Variants in GRM8 observed in about 807,000 individuals in gnomAD.
GRM8 encodes metabotropic glutamate receptor 8.
A neutral mutation model predicts 87.2 loss-of-function variants in GRM8; 47 were observed. That is an observed-to-expected ratio of 0.54 (90% CI 0.43 to 0.69). The LOEUF (loss-of-function observed/expected upper bound fraction) is 0.69, where lower values mean the gene tolerates loss of function less well. Among genes scored for constraint, GRM8 ranks in the 30% least tolerant of loss-of-function variants. The pLI is 0.00. For synonymous variants in GRM8, 396 were observed against 404.5 expected, an observed-to-expected ratio of 0.98 and a Z score of 0.25; for missense variants, 1,019 against 1,139.2, an observed-to-expected ratio of 0.89 and a Z score of 1.52.
intron 3 of GRM8, among the ~76,000 whole-genome samples, chr7:127,007,546 G>T (rs147043190): frequency 1.3e-5 from 2 of 151,930 alleles, no homozygotes; most frequent in Non-Finnish European, 2.9e-5. Context: ...ATCACTAGTG[G>T]ATTGTTTCAG....
chr7:126,461,235 T>G (rs1355081258), intron 9 of GRM8, among the ~76,000 whole-genome samples: 1 of 151,524 alleles, frequency 6.6e-6, no homozygotes, highest in African/African-American at 2.4e-5. Context: ...GCTCCCAAAG[T>G]GATGCAGCTC....
At chr7:126,825,514 T>A (rs964956749) in intron 6 of GRM8, among the ~76,000 whole-genome samples, 4 of 152,224 alleles carry the variant, frequency 2.6e-5, no homozygotes, top group Non-Finnish European at 4.4e-5. Flanking sequence ...AGCGGCAGAT[T>A]ACCAAGATTT....
At chr7:127,011,947 C>G (rs1814938098) in intron 3 of GRM8, among the ~76,000 whole-genome samples, 1 of 152,138 alleles carries the variant, frequency 6.6e-6, no homozygotes, top group South Asian at 2.1e-4. Context: ...ATACTAATAT[C>G]AGCCACCTGT....
At chr7:126,627,844 G>A (rs371756265) in intron 7 of GRM8, among the ~76,000 whole-genome samples, 86 of 152,208 alleles carry the variant, frequency 5.7e-4, no homozygotes, top group African/African-American at 2.0e-3. Context: ...TGGAAACATG[G>A]AGTGAACACA....
intron 3 of GRM8, among the ~76,000 whole-genome samples, chr7:126,973,820 T>C (rs542684815): frequency 6.6e-6 from 1 of 152,342 alleles, no homozygotes; most frequent in Non-Finnish European, 1.5e-5. Context: ...AAATACTGCA[T>C]AATCTCTCTT....
chr7:126,471,445 G>A (rs1189931412), intron 9 of GRM8, among the ~76,000 whole-genome samples: 3 of 151,842 alleles, frequency 2.0e-5, no homozygotes, highest in Non-Finnish European at 2.9e-5. Flanking sequence ...TATTAAATAG[G>A]GAATCCTTTC....
intron 8 of GRM8, among the ~76,000 whole-genome samples, chr7:126,552,742 T>C (rs1375179765): frequency 1.3e-5 from 2 of 152,136 alleles, no homozygotes; most frequent in African/African-American, 4.8e-5. Context: ...TATCTTTAAA[T>C]AGGAAAATCT....
intron 9 of GRM8, among the ~76,000 whole-genome samples, chr7:126,492,692 G>T (rs1808163321): frequency 6.6e-6 from 1 of 151,916 alleles, no homozygotes; most frequent in Middle Eastern, 3.2e-3. Context: ...TTTGAACTTA[G>T]GTATTTTTAT....
At chr7:126,873,086 C>T (rs1386537712) in intron 6 of GRM8, among the ~76,000 whole-genome samples, 3 of 152,090 alleles carry the variant, frequency 2.0e-5, no homozygotes, top group African/African-American at 7.2e-5. Flanking sequence ...CACACACATA[C>T]AGTTTTAAAG....
At chr7:127,207,448 A>G (rs190940316) in intron 2 of GRM8, among the ~76,000 whole-genome samples, 1 of 152,228 alleles carries the variant, frequency 6.6e-6, no homozygotes, top group East Asian at 1.9e-4. Context: ...CAATGAGCCA[A>G]GTACCAATGT....
intron 3 of GRM8, among the ~76,000 whole-genome samples, chr7:126,909,999 G>A (rs1803122783): frequency 7.0e-6 from 1 of 142,474 alleles, no homozygotes; most frequent in Non-Finnish European, 1.5e-5. Context: ...CAAATTTAAA[G>A]ACTCTTTTTT....
At chr7:127,180,523 A>G (rs1794375536) in intron 2 of GRM8, among the ~76,000 whole-genome samples, 1 of 152,040 alleles carries the variant, frequency 6.6e-6, no homozygotes, top group African/African-American at 2.4e-5. Context: ...CCTAATACCA[A>G]AATCAGAAAA....
At chr7:127,242,090 A>C (rs2116876309) in intron 2 of GRM8, among the ~76,000 whole-genome samples, 1 of 152,356 alleles carries the variant, frequency 6.6e-6, no homozygotes, top group Non-Finnish European at 1.5e-5. Context: ...TAATGCAATA[A>C]GAATTATATA....
chr7:126,754,467 C>T (rs539910271), intron 7 of GRM8, among the ~76,000 whole-genome samples: 16 of 151,916 alleles, frequency 1.1e-4, no homozygotes, highest in African/African-American at 2.6e-4. Context: ...GAAACATTTT[C>T]GGTAAATGCC....
At chr7:126,584,287 G>A (rs1795889321) in intron 8 of GRM8, among the ~76,000 whole-genome samples, 1 of 143,910 alleles carries the variant, frequency 6.9e-6, no homozygotes, top group African/African-American at 2.5e-5. Context: ...GTGCAGTGGT[G>A]CAATCTGGGC....
intron 3 of GRM8, among the ~76,000 whole-genome samples, chr7:127,010,101 C>G (rs1291459161): frequency 2.0e-5 from 3 of 152,116 alleles, no homozygotes; most frequent in Non-Finnish European, 4.4e-5. Context: ...CCTCAGCCTC[C>G]CAAAGTGCTG....
At chr7:126,960,129 G>A (rs952883624) in intron 3 of GRM8, among the ~76,000 whole-genome samples, 3 of 151,958 alleles carry the variant, frequency 2.0e-5, no homozygotes, top group Non-Finnish European at 4.4e-5. Flanking sequence ...AAAAGAAAAC[G>A]ACACTAATCA....
At chr7:126,968,425 G>C (rs1208709422) in intron 3 of GRM8, among the ~76,000 whole-genome samples, 2 of 152,076 alleles carry the variant, frequency 1.3e-5, no homozygotes, top group East Asian at 1.9e-4. Flanking sequence ...GTAAGGCCAA[G>C]CAACAGCCAA....
intron 7 of GRM8, 46 bp from the exon 8 acceptor site, chr7:126,609,544 GC>G: frequency 1.4e-6 from 2 of 1,465,042 alleles, no homozygotes; most frequent in Non-Finnish European, 1.9e-6. Context: ...TAGTAAGATA[GC>G]CCACTGGGTT....
Sources: allele counts gnomAD v4.1 joint callset (sites outside exome capture counted in the v4.1 genomes callset), GRCh38; gene constraint gnomAD v4.1.1; transcripts MANE v1.5; gene names NCBI Gene and HGNC (gene_info 2026-07-23, HGNC 2026-07-21).